The following ZNF574 variants were observed in gnomAD, a reference collection of about 807,000 sequenced individuals.
ZNF574 encodes zinc finger protein 574.
In ZNF574, 25 loss-of-function variants were observed where a neutral mutation model predicts 56.6. The observed-to-expected ratio is 0.44, with a 90% CI of 0.32 to 0.62. The LOEUF is 0.62. ZNF574 is among the 20% of genes least tolerant of loss of function. The probability of loss-of-function intolerance (pLI) is 0.04; values close to 1 mark genes in which losing one functional copy is unlikely to be tolerated. For synonymous variants in ZNF574, 543 were observed against 492.1 expected (o/e 1.10, Z -1.37); for missense variants, 1,065 against 1,218.9 (o/e 0.87, Z 1.88).
upstream of ZNF574, among the ~76,000 whole-genome samples, chr19:42,074,015 C>A (rs943445619): frequency 6.6e-6 from 1 of 151,708 alleles, no homozygotes; most frequent in Admixed American, 6.6e-5. Context: ...TGCCTGTAGT[C>A]CCAGCTACTC....
rs749144984 is a variant in ZNF574, at chr19:42,079,492, A to G, written c.886A>G (p.Asn296Asp). Residue 296 changes from asparagine to aspartate, a missense_variant, in exon 2 of 2, where the codon AAC becomes GAC. By Grantham distance (23) the Asn-to-Asp change is conservative (BLOSUM62 1). Transcript: ENST00000359044. This position sits in a 1 kb window ranked among gnomAD's most constrained non-coding sequence, Gnocchi z 4.3. ...TCGCCGGGGGCGCAGGGCCCGGAGG[A>G]ACAACAGTGGAGAAGCAGGCGGGGC... The part of the protein sequence containing the change: ...RDRRGRRARR[N>D]NSGEAGGAAT... 6.2e-6 allele frequency: 10 copies of G among 1,613,736 alleles called. No individual in the cohort carries two copies. The Admixed American group carries it at 1.7e-4, about 27-fold the overall frequency.
Position 42,079,323 on chromosome 19 carries a change from T to C in ZNF574, c.717T>C (p.Ala239=). 2.5e-6 allele frequency: 4 copies of C among 1,613,700 alleles called. No homozygotes were observed. Among genetic ancestry groups the C allele is most frequent in the Non-Finnish European group, 3.4e-6 (4 of 1,179,812 alleles). ...FLEHQATHFP[A]PVPESQEPAL... ...AGCACCAGGCCACTCACTTCCCTGCTCCTGTACCCGAGTCTCAGGAGCCTG... is the reference window on the plus strand; with the variant it reads ...AGCACCAGGCCACTCACTTCCCTGCCCCTGTACCCGAGTCTCAGGAGCCTG... Residue 239 remains alanine (A), a synonymous_variant, in exon 2 of 2, where the codon GCT becomes GCC. Transcript: ENST00000359044. The surrounding 1 kb of genome is among the most constrained non-coding windows in gnomAD (Gnocchi z 4.3).
At chr19:42,069,044 C>T in intron 1 of ZNF574, 1 of 485,740 alleles carries the variant, frequency 2.1e-6, no homozygotes, top group Non-Finnish European at 3.7e-6. Context: ...GAGCTATGTA[C>T]CCAGAAGAAG....
At position 42,080,883 on chromosome 19, in the gene ZNF574, C is replaced by T. The variant is rs1376829494; in HGVS notation, c.2277C>T (p.Ile759=). 4 of 1,613,906 alleles carry T rather than the reference C, an allele frequency of 2.5e-6. No homozygotes were observed. Among genetic ancestry groups the T allele is most frequent in the Non-Finnish European group, 3.4e-6 (4 of 1,179,974 alleles). The change falls in exon 2 of 2, where the codon ATC becomes ATT. Residue 759 remains isoleucine, a synonymous_variant. Coordinates refer to ENST00000359044, the MANE Select transcript of ZNF574 (RefSeq NM_022752.6). The surrounding 1 kb of genome is among the most constrained non-coding windows in gnomAD (Gnocchi z 8.5). ...CGTCACTGCAGGTGCACCGGCGCATCCACACAGGTGAGCGGCCATACCCAT... is the reference window on the plus strand; with the variant it reads ...CGTCACTGCAGGTGCACCGGCGCATTCACACAGGTGAGCGGCCATACCCAT... ...TETSLQVHRR[I]HTGERPYPCP...
In ZNF574 at chr19:42,079,766, C is replaced by T. The variant is rs746228735; in HGVS notation, c.1160C>T (p.Thr387Ile). 1.7e-5 allele frequency: 28 copies of T among 1,614,212 alleles called. No individual in the cohort carries two copies. Among genetic ancestry groups the T allele is most frequent in the Non-Finnish European group, 2.3e-5 (27 of 1,180,038 alleles). ...ALLLAHRRAH[T>I]PNPLHSCPCG... is the part of the protein sequence containing the mutation. ...CTCCTGGCCCACCGGCGAGCCCACACCCCGAATCCTCTGCATTCATGTCCA... is the reference window on the plus strand; with the variant it reads ...CTCCTGGCCCACCGGCGAGCCCACATCCCGAATCCTCTGCATTCATGTCCA... Residue 387 changes from threonine to isoleucine, a missense_variant, in exon 2 of 2, where the codon ACC becomes ATC. Thr to Ile is a moderately conservative substitution (Grantham distance 89). Coordinates refer to ENST00000359044, the MANE Select transcript of ZNF574 (RefSeq NM_022752.6). The surrounding 1 kb of genome is among the most constrained non-coding windows in gnomAD (Gnocchi z 4.3).
upstream of ZNF574, among the ~76,000 whole-genome samples, chr19:42,075,781 C>G (rs1045199333): frequency 2.4e-5 from 3 of 127,332 alleles, no homozygotes; most frequent in South Asian, 8.8e-4. Flanking sequence ...TCCCTGTCCC[C>G]AACGCTGACT....
In ZNF574 at chr19:42,081,241, G is replaced by A; in HGVS notation, c.2635G>A (p.Glu879Lys). Residue 879 changes from glutamate to lysine, a missense_variant, in exon 2 of 2, where the codon GAA becomes AAA. By Grantham distance (56) the Glu-to-Lys change is moderately conservative. Transcript: ENST00000359044. ...TGCTGTGGAGGCGCTACCCCTGGTG[G>A]AAGCCATTGAGATCTACCCTCTGGC... ...ETAVEALPLV[E>K]AIEIYPLAEA... 1 of 1,614,068 alleles carries A rather than the reference G, an allele frequency of 6.2e-7. No individual in the cohort carries two copies. Among genetic ancestry groups the A allele is most frequent in the Non-Finnish European group, 8.5e-7 (1 of 1,180,038 alleles).
chr19:42,069,602 G>T (rs576434630), intron 1 of ZNF574: 1 of 144,514 alleles, frequency 6.9e-6, no homozygotes, highest in African/African-American at 2.5e-5. Flanking sequence ...GGGGGAGGGG[G>T]AAGCTGGCCC....
chr19:42,080,014 C>T lies in ZNF574; in HGVS notation c.1408C>T (p.Leu470=). ...PAAPGTYRCL[L]CSREFGKALQ... The stretch of plus-strand genomic sequence containing the variant: ...TGCCCCAGGCACCTACCGCTGCCTC[C>T]TGTGCAGCCGTGAATTTGGAAAGGC... The change falls in exon 2 of 2, where the codon CTG becomes TTG. Residue 470 remains leucine (L), a synonymous_variant. Coordinates refer to ENST00000359044, the MANE Select transcript of ZNF574 (RefSeq NM_022752.6). This position sits in a 1 kb window ranked among gnomAD's most constrained non-coding sequence, Gnocchi z 8.5. 2 of 1,614,068 alleles carry T rather than the reference C, an allele frequency of 1.2e-6. No homozygotes were observed. The highest frequency in any genetic ancestry group is 1.1e-5 in the South Asian group (1 of 91,078).
chr19:42,079,374 G>T lies in ZNF574; in HGVS notation c.768G>T (p.Ser256=). The change falls in exon 2 of 2, where the codon TCG becomes TCT. Residue 256 remains serine (S), a synonymous_variant. Transcript: ENST00000359044. The surrounding 1 kb of genome is among the most constrained non-coding windows in gnomAD (Gnocchi z 4.3). ...EPALQQEVQA[S]SPAEVPVSQP... ...CCTTACAGCAGGAGGTGCAGGCCTC[G>T]TCACCTGCAGAGGTGCCTGTGTCTC... 2 of 1,613,526 alleles carry T rather than the reference G, an allele frequency of 1.2e-6. No homozygotes were observed. Among genetic ancestry groups the T allele is most frequent in the South Asian group, 2.2e-5 (2 of 91,088 alleles).
chr19:42,071,492 G>C (rs2146205852), upstream of ZNF574, among the ~76,000 whole-genome samples: 2 of 152,228 alleles, frequency 1.3e-5, 1 homozygote, highest in South Asian at 4.1e-4. Flanking sequence ...GCCCAGCACA[G>C]GAAGCCCTCT....
chr19:42,069,814 A>G (rs542926827), intron 1 of ZNF574, among the ~76,000 whole-genome samples: 1 of 152,054 alleles, frequency 6.6e-6, no homozygotes, highest in South Asian at 2.1e-4. Context: ...GGAGTCCTCA[A>G]GCCCTCAGCC....
At chr19:42,075,785 G>T (rs182179436), upstream of ZNF574, among the ~76,000 whole-genome samples, 1 of 127,368 alleles carries the variant, frequency 7.9e-6, no homozygotes, top group Non-Finnish European at 1.9e-5. Flanking sequence ...TGTCCCCAAC[G>T]CTGACTCCCT....
Position 42,081,292 on chromosome 19 carries a change from G to A in ZNF574, c.2686G>A (p.Gly896Ser), listed in dbSNP as rs1471279212. The change falls in exon 2 of 2, where the codon GGC becomes AGC. Residue 896 changes from glycine (G) to serine (S), a missense_variant. Coordinates refer to ENST00000359044, the MANE Select transcript of ZNF574 (RefSeq NM_022752.6). ...LAEAEGVQIS[G>S] ...CGAGGCTGAGGGGGTCCAGATCAGTGGCTGACTCTGCCCGACTTCCTCTTT... is the reference window on the plus strand; with the variant it reads ...CGAGGCTGAGGGGGTCCAGATCAGTAGCTGACTCTGCCCGACTTCCTCTTT... 4 of 1,614,006 alleles carry A rather than the reference G, an allele frequency of 2.5e-6. No individual in the cohort carries two copies. The African/African-American group carries it at 4.0e-5, about 16-fold the overall frequency.
rs539977618 is a variant in ZNF574, at chr19:42,078,797, C to G, written c.191C>G (p.Thr64Arg). 1 of 1,614,070 alleles carries G rather than the reference C, an allele frequency of 6.2e-7. No individual in the cohort carries two copies. Among genetic ancestry groups the G allele is most frequent in the Middle Eastern group, 1.7e-4 (1 of 6,058 alleles). ...VTVATDTASG[T>R]GLYQTLVQES... ...GTGGCCACAGACACAGCTTCAGGCA[C>G]GGGCCTCTATCAGACCCTTGTGCAG... The change falls in exon 2 of 2, where the codon ACG (threonine) becomes AGG (arginine). Residue 64 changes from threonine to arginine, a missense_variant. Coordinates refer to ENST00000359044, the MANE Select transcript of ZNF574 (RefSeq NM_022752.6).
rs114901313 is a variant in ZNF574 at position 42,068,504 on chromosome 19, G to A, written c.-208G>A. 8.3e-3 allele frequency: 3,144 copies of A among 380,200 alleles called. 45 individuals are homozygous for A. Among genetic ancestry groups the A allele is most frequent in the African/African-American group, 0.037 (1,772 of 48,312 alleles). 23.6% of individuals were successfully genotyped at this position (380,200 alleles called of 1,614,324 possible). ...CTGAGGAGGGAGGGACTGAGGAGCC[G>A]GGCACCCAGAGTGGATCTGGGGGAA... On this transcript the variant is annotated 5_prime_UTR_variant, in exon 1 of 2. Transcript: ENST00000222339.
Position 42,079,357 on chromosome 19 carries a change from C to A in ZNF574, c.751C>A (p.Gln251Lys). The change falls in exon 2 of 2, where the codon CAG becomes AAG. Residue 251 changes from glutamine (Q) to lysine (K), a missense_variant. By Grantham distance (53) the Gln-to-Lys change is moderately conservative. Transcript: ENST00000359044. This position sits in a 1 kb window ranked among gnomAD's most constrained non-coding sequence, Gnocchi z 4.3. ...CGAGTCTCAGGAGCCTGCCTTACAGCAGGAGGTGCAGGCCTCGTCACCTGC... is the reference window on the plus strand; with the variant it reads ...CGAGTCTCAGGAGCCTGCCTTACAGAAGGAGGTGCAGGCCTCGTCACCTGC... ...VPESQEPALQ[Q>K]EVQASSPAEV... 6.2e-7 allele frequency: 1 copy of A among 1,613,506 alleles called. No homozygotes were observed. The highest frequency in any genetic ancestry group is 8.5e-7 in the Non-Finnish European group (1 of 1,179,826).
chr19:42,080,700 G>A lies in ZNF574; in HGVS notation c.2094G>A (p.Leu698=). Residue 698 remains leucine, a synonymous_variant, in exon 2 of 2, where the codon CTG becomes CTA. Coordinates refer to ENST00000359044, the MANE Select transcript of ZNF574 (RefSeq NM_022752.6). The surrounding 1 kb of genome is among the most constrained non-coding windows in gnomAD (Gnocchi z 8.5). ...AHAAAGPGEV[L]AKEPPAPRAP... is the part of the protein sequence containing the mutation. Reference sequence around the variant, plus strand: ...CAGCTGCTGGGCCTGGAGAGGTCCTGGCTAAGGAGCCCCCTGCCCCTCGAG... The same window carrying A: ...CAGCTGCTGGGCCTGGAGAGGTCCTAGCTAAGGAGCCCCCTGCCCCTCGAG... 6.2e-7 allele frequency: 1 copy of A among 1,613,316 alleles called. No individual in the cohort carries two copies. Among genetic ancestry groups the A allele is most frequent in the Non-Finnish European group, 8.5e-7 (1 of 1,179,920 alleles).
chr19:42,080,397 C>G lies in ZNF574; in HGVS notation c.1791C>G (p.His597Gln). The G allele has an allele frequency of 1.2e-6, 2 of 1,614,258 alleles. No individual in the cohort carries two copies. Among genetic ancestry groups the G allele is most frequent in the Non-Finnish European group, 1.7e-6 (2 of 1,180,044 alleles). The change falls in exon 2 of 2, where the codon CAC (histidine) becomes CAG (glutamine). Residue 597 changes from histidine (H) to glutamine (Q), a missense_variant. His to Gln is a conservative substitution (Grantham distance 24). Coordinates refer to ENST00000359044, the MANE Select transcript of ZNF574 (RefSeq NM_022752.6). This position sits in a 1 kb window ranked among gnomAD's most constrained non-coding sequence, Gnocchi z 8.5. ...ACCGTCCTTACCGCCTGCTCATGCA[C>G]CGCTACCATCACACAGGTGAATACC... ...RFHRPYRLLM[H>Q]RYHHTGEYPY...
Sources: allele counts gnomAD v4.1 joint callset (sites outside exome capture counted in the v4.1 genomes callset), GRCh38; gene constraint gnomAD v4.1.1; non-coding constraint Gnocchi (gnomAD v3.1); transcripts MANE v1.5; gene names NCBI Gene and HGNC (gene_info 2026-07-23, HGNC 2026-07-21).